APEH: variants seen among roughly 807,000 people sequenced by gnomAD.
APEH encodes acylamino-acid-releasing enzyme.
A neutral mutation model predicts 102.7 loss-of-function variants in APEH; 75 were observed. The observed-to-expected ratio is 0.73, with a 90% confidence interval of 0.61 to 0.89. The LOEUF (loss-of-function observed/expected upper bound fraction) is 0.89, where lower values mean the gene tolerates loss of function less well. Ranked by LOEUF, APEH falls within the 40% of genes least tolerant of loss-of-function variation. The pLI is 0.00. For synonymous variants in APEH, 344 were observed against 362.7 expected (o/e 0.95, Z 0.59); for missense variants, 863 against 941.2 (o/e 0.92, Z 1.09).
chr3:49,676,540 C>T, intron 7 of APEH, 25 bp downstream of exon 7: 1 of 1,614,246 alleles, frequency 6.2e-7, no homozygotes, highest in African/African-American at 1.3e-5. Flanking sequence ...CCTGTGTCCC[C>T]CCTGGAGTCT....
chr3:49,674,443 C>G, intron 1 of APEH, 30 bp downstream of exon 1: 1 of 1,572,276 alleles, frequency 6.4e-7, no homozygotes, highest in Non-Finnish European at 8.6e-7. Flanking sequence ...TCCCCGTGGT[C>G]CCTGCAGCCC....
In APEH at chr3:49,679,006, TG is replaced by T; in HGVS notation, c.1158+62del. 11 of 1,468,410 alleles carry T rather than the reference TG, an allele frequency of 7.5e-6. No individual in the cohort carries two copies. Among genetic ancestry groups the T allele is most frequent in the Non-Finnish European group, 9.5e-7 (1 of 1,055,468 alleles). 91.0% of individuals were successfully genotyped at this position (1,468,410 alleles called of 1,614,324 possible). On this transcript the variant is annotated intron_variant, in intron 12 of 21. Coordinates refer to ENST00000296456, the MANE Select transcript of APEH (RefSeq NM_001640.4). The surrounding 1 kb of genome is among the most constrained non-coding windows in gnomAD (Gnocchi z 4.3). ...CCCTGTGGTCAACCCCCAGGAGCCCTGGGGGTTGCATGTGCATGCCCCTGGG... is the reference window on the plus strand; with the variant it reads ...CCCTGTGGTCAACCCCCAGGAGCCCTGGGGTTGCATGTGCATGCCCCTGGG...
Position 49,679,643 on chromosome 3 carries a change from T to C in APEH, c.1209T>C (p.Ala403=). 1 of 1,613,682 alleles carries C rather than the reference T, an allele frequency of 6.2e-7. No homozygotes were observed. The highest frequency in any genetic ancestry group is 8.5e-7 in the Non-Finnish European group (1 of 1,179,684). ...TQVGTVTSLT[A]GGSGGSWKLL... is the part of the protein sequence containing the mutation. The stretch of plus-strand genomic sequence containing the variant: ...TGGGCACTGTGACCTCCCTCACAGC[T>C]GGTGAGCAAGGCTTTGGGGATGGGG... Residue 403 remains alanine (A), a splice_region_variant and synonymous_variant, in exon 13 of 22, where the codon GCT becomes GCC. Coordinates refer to ENST00000296456, the MANE Select transcript of APEH (RefSeq NM_001640.4). The surrounding 1 kb of genome is among the most constrained non-coding windows in gnomAD (Gnocchi z 4.3).
At position 49,683,652 on chromosome 3, in the gene APEH, C is replaced by T. The variant is rs2053458849; in HGVS notation, c.*310C>T. 3 of 469,384 alleles carry T rather than the reference C, an allele frequency of 6.4e-6. No homozygotes were observed. The highest frequency in any genetic ancestry group is 2.2e-5 in the South Asian group (1 of 45,494). The allele number at this position is 469,384 out of a possible 1,614,324, so 29.1% of individuals were successfully genotyped here. On this transcript the variant is annotated 3_prime_UTR_variant, in exon 22 of 22. Transcript: ENST00000296456. Reference sequence around the variant, plus strand: ...GGGAGGGAACAGTGAGAGGCTTAGCCTCTGCCTGTCCTGGCAACCAGGACT... The same window carrying T: ...GGGAGGGAACAGTGAGAGGCTTAGCTTCTGCCTGTCCTGGCAACCAGGACT...
upstream of APEH, chr3:49,674,055 G>T: frequency 2.4e-6 from 1 of 422,110 alleles, no homozygotes; most frequent in Non-Finnish European, 4.2e-6. Context: ...GGGCTCCCGG[G>T]TTCCGCTTCC....
upstream of APEH, chr3:49,673,911 A>G (rs1012054501): frequency 1.2e-5 from 2 of 168,322 alleles, no homozygotes; most frequent in South Asian, 1.3e-4. Context: ...TCATCCTCAA[A>G]GACTCATTGG....
chr3:49,674,459 G>A (rs766572438), intron 1 of APEH, 30 bp from the exon 2 acceptor site: 4 of 1,569,428 alleles, frequency 2.5e-6, no homozygotes, highest in Non-Finnish European at 8.6e-7. Flanking sequence ...AGCCCGGGCC[G>A]GGCCTGACCC....
At chr3:49,682,803 C>T (rs201626806) in intron 19 of APEH, 40 bp from the exon 20 acceptor site, 796 of 1,613,618 alleles carry the variant, frequency 4.9e-4, no homozygotes, top group Admixed American at 1.4e-3. Context: ...GCCCCGTAGC[C>T]CCAGAATTCC....
rs752238584 is a variant in APEH at position 49,676,941 on chromosome 3, C to T, written c.916C>T (p.Arg306Trp). 34 of 1,614,198 alleles carry T rather than the reference C, an allele frequency of 2.1e-5. No homozygotes were observed. Among genetic ancestry groups the T allele is most frequent in the African/African-American group, 6.7e-5 (5 of 75,058 alleles). The change falls in exon 10 of 22, where the codon CGG becomes TGG. Residue 306 changes from arginine to tryptophan, a missense_variant. Arg to Trp is a moderately radical substitution (Grantham distance 101, BLOSUM62 -3). Coordinates refer to ENST00000296456, the MANE Select transcript of APEH (RefSeq NM_001640.4). ...TGACTCCCTGGCTGTCTCTTCTCCC[C>T]GGCTGAGCCCAGACCAATGTCGCAT... Reference protein sequence around the residue: ...SDDSLAVSSPRLSPDQCRIVY... With the variant: ...SDDSLAVSSPWLSPDQCRIVY...
At chr3:49,681,680 G>A (rs772467330) in intron 15 of APEH, 42 bp from the exon 16 acceptor site, 2 of 1,464,256 alleles carry the variant, frequency 1.4e-6, no homozygotes, top group East Asian at 2.3e-5. Flanking sequence ...AGTTGGGGAA[G>A]CCCCTAGGCT....
intron 20 of APEH, 37 bp downstream of exon 20, chr3:49,682,982 C>T (rs1047226934): frequency 1.9e-6 from 3 of 1,610,908 alleles, no homozygotes; most frequent in Middle Eastern, 3.3e-4. Flanking sequence ...TGCTGCCCAT[C>T]CATCCAGAAT....
chr3:49,682,345 C>T lies in APEH; in HGVS notation c.1604-3C>T. ...ACACTGTCTGGTCCCTCCCTGCCCT[C>T]AGTGAACTATCGTGGCTCCACGGGC... On this transcript the variant is annotated splice_polypyrimidine_tract_variant and splice_region_variant and intron_variant, in intron 17 of 21. Transcript: ENST00000296456. 4 of 1,611,960 alleles carry T rather than the reference C, an allele frequency of 2.5e-6. No individual in the cohort carries two copies. Among genetic ancestry groups the T allele is most frequent in the Non-Finnish European group, 3.4e-6 (4 of 1,178,594 alleles).
intron 5 of APEH, 41 bp from the exon 6 acceptor site, chr3:49,676,014 CG>C: frequency 1.9e-6 from 3 of 1,614,138 alleles, no homozygotes; most frequent in Non-Finnish European, 1.7e-6. Context: ...GAGGGGTAGC[CG>C]TAGCCCTGGG....
rs1208328320 is a variant in APEH, at chr3:49,675,717, C to T, written c.296C>T (p.Ser99Leu). ...RGELLSRESP[S>L]GTMKAVLRKA... Reference sequence around the variant, plus strand: ...AGACTGCTGAGCAGAGAGTCTCCTTCAGGCACCATGAAAGCTGTGCTGCGC... The same window carrying T: ...AGACTGCTGAGCAGAGAGTCTCCTTTAGGCACCATGAAAGCTGTGCTGCGC... Residue 99 changes from serine (S) to leucine (L), a missense_variant, in exon 4 of 22, where the codon TCA (serine) becomes TTA (leucine). By Grantham distance (145) the Ser-to-Leu change is moderately radical. Transcript: ENST00000296456. The T allele has an allele frequency of 7.4e-6, 12 of 1,613,930 alleles. No individual in the cohort carries two copies. The highest frequency in any genetic ancestry group is 1.3e-5 in the African/African-American group (1 of 74,932).
At position 49,682,940 on chromosome 3, in the gene APEH, C is replaced by A; in HGVS notation, c.1981C>A (p.Pro661Thr). The A allele has an allele frequency of 3.1e-6, 5 of 1,613,826 alleles. No individual in the cohort carries two copies. Among genetic ancestry groups the A allele is most frequent in the Non-Finnish European group, 4.2e-6 (5 of 1,179,932 alleles). Reference protein sequence around the residue: ...MLDKSPIRYIPQVKTPLLLML... With the variant: ...MLDKSPIRYITQVKTPLLLML... Reference sequence around the variant, plus strand: ...GGACAAATCGCCCATCAGATACATCCCTCAGGTATGCAGCCCCCTCCTTGC... The same window carrying A: ...GGACAAATCGCCCATCAGATACATCACTCAGGTATGCAGCCCCCTCCTTGC... Residue 661 changes from proline to threonine, a missense_variant, in exon 20 of 22, where the codon CCT becomes ACT. Coordinates refer to ENST00000296456, the MANE Select transcript of APEH (RefSeq NM_001640.4).
Position 49,683,870 on chromosome 3 carries a change from T to C in APEH, c.*528T>C. ...TGGACAGATCACCTAGCCCAGGGTG[T>C]GCTGGGCTCAAGCCACCCGAGCCCT... On this transcript the variant is annotated 3_prime_UTR_variant, in exon 22 of 22. Transcript: ENST00000296456. The C allele has an allele frequency of 2.7e-6, 3 of 1,108,322 alleles. No homozygotes were observed. The highest frequency in any genetic ancestry group is 3.8e-6 in the Non-Finnish European group (3 of 783,272). The allele number at this position is 1,108,322 out of a possible 1,614,324, so 68.7% of individuals were successfully genotyped here.
At position 49,679,349 on chromosome 3, in the gene APEH, C is replaced by CA. The variant is rs1024307924; in HGVS notation, c.1159-241dup. 6.6e-6 allele frequency among the ~76,000 whole-genome samples: 1 copy of CA among 152,178 alleles called. No homozygotes were observed. The highest frequency in any genetic ancestry group is 6.5e-5 in the Admixed American group (1 of 15,280). The stretch of plus-strand genomic sequence containing the variant: ...GTGATATTTGGTCCTTGTGCCAACT[C>CA]AAAGGGGCTCAAAGCCATTCCTTAC... On this transcript the variant is annotated intron_variant, in intron 12 of 21. Transcript: ENST00000296456. This position sits in a 1 kb window ranked among gnomAD's most constrained non-coding sequence, Gnocchi z 4.3.
Position 49,679,735 on chromosome 3 carries a change from G to A in APEH, c.1210+91G>A. On this transcript the variant is annotated intron_variant, in intron 13 of 21. Transcript: ENST00000296456. The surrounding 1 kb of genome is among the most constrained non-coding windows in gnomAD (Gnocchi z 4.3). ...GACTGGAGCTCCAACATGTGGGGCA[G>A]TGATGGCATTCTCAGCCACTCAGCA... The A allele has an allele frequency of 7.4e-7, 1 of 1,342,750 alleles. No individual in the cohort carries two copies. The highest frequency in any genetic ancestry group is 1.2e-5 in the South Asian group (1 of 84,308). The allele number at this position is 1,342,750 out of a possible 1,614,324, so 83.2% of individuals were successfully genotyped here.
rs2053338117 is a variant in APEH at position 49,681,936 on chromosome 3, G to A, written c.1572G>A (p.Met524Ile). The A allele has an allele frequency of 6.2e-7, 1 of 1,614,204 alleles. No individual in the cohort carries two copies. The highest frequency in any genetic ancestry group is 8.5e-7 in the Non-Finnish European group (1 of 1,180,026). Residue 524 changes from methionine (M) to isoleucine (I), a missense_variant, in exon 17 of 22, where the codon ATG (methionine) becomes ATA (isoleucine). Met to Ile is a conservative substitution (Grantham distance 10). Coordinates refer to ENST00000296456, the MANE Select transcript of APEH (RefSeq NM_001640.4). ...FVTAWMLFPA[M>I]LCKMGFAVLL... is the part of the protein sequence containing the mutation. ...CTGCCTGGATGCTGTTCCCAGCCATGCTTTGCAAGATGGGCTTTGCGGTAC... is the reference window on the plus strand; with the variant it reads ...CTGCCTGGATGCTGTTCCCAGCCATACTTTGCAAGATGGGCTTTGCGGTAC...
Sources: allele counts gnomAD v4.1 joint callset (sites outside exome capture counted in the v4.1 genomes callset), GRCh38; gene constraint gnomAD v4.1.1; non-coding constraint Gnocchi (gnomAD v3.1); transcripts MANE v1.5; gene names NCBI Gene and HGNC (gene_info 2026-07-23, HGNC 2026-07-21).